Variants in STS observed in about 807,000 individuals in gnomAD.
STS encodes the protein steroid sulfatase.
STS carries 7 observed loss-of-function variants against 26.8 expected under a neutral mutation model. The ratio of observed to expected loss-of-function variants is 0.26; its 90% CI spans 0.15 to 0.49. The LOEUF is 0.49. Among genes scored for constraint, STS ranks in the 20% least tolerant of loss-of-function variants. The probability of loss-of-function intolerance (pLI) is 0.98; values close to 1 mark genes in which losing one functional copy is unlikely to be tolerated. For synonymous variants in STS, 199 were observed against 189.4 expected (o/e 1.05, Z -0.42); for missense variants, 434 against 465.6 (o/e 0.93, Z 0.63).
intron 7 of STS, among the ~76,000 whole-genome samples, chrX:7,300,753 A>G (rs145461590): frequency 9.0e-6 from 1 of 111,464 alleles, no homozygotes; most frequent in African/African-American, 3.3e-5. Context: ...AGGGCACTTT[A>G]ATGAAAGTGA....
chrX:7,320,013 T>TATATATTTATATA (rs1926917701), intron 8 of STS, among the ~76,000 whole-genome samples: 2 of 90,553 alleles, frequency 2.2e-5, no homozygotes. Flanking sequence ...TATATATATA[T>TATATATTTATATA]TTATATATAT....
rs1926049096 is a variant in STS, at chrX:7,303,126, C to A, written c.944-1920C>A. ...GGGACCCGGTGGGAGATAATGGAAT[C>A]ATGGGGGAGATTTTCCCCCATACTG... On this transcript the variant is annotated intron_variant, in intron 7 of 10. Coordinates refer to ENST00000674429, the MANE Select transcript of STS (RefSeq NM_001320752.2). Among the ~76,000 whole-genome samples, 3 of 111,043 alleles carry A rather than the reference C, an allele frequency of 2.7e-5. No homozygotes were observed. The Admixed American group carries it at 2.9e-4, about 11-fold the overall frequency.
At chrX:7,323,179 G>A (rs2054533279) in intron 8 of STS, among the ~76,000 whole-genome samples, 1 of 111,010 alleles carries the variant, frequency 9.0e-6, no homozygotes, top group Non-Finnish European at 1.9e-5. Flanking sequence ...TGTTTCCTAT[G>A]TCCGTTGTAA....
At chrX:7,235,630 A>G in intron 2 of STS, among the ~76,000 whole-genome samples, 1 of 111,687 alleles carries the variant, frequency 9.0e-6, no homozygotes, top group Non-Finnish European at 1.9e-5. Flanking sequence ...AAAATTGGCC[A>G]GACAGACACA....
Position 7,308,924 on chromosome X carries a change from T to G in STS, c.1081+3741T>G, listed in dbSNP as rs769292023. Among the ~76,000 whole-genome samples the G allele has an allele frequency of 2.7e-5, 3 of 111,926 alleles. No individual in the cohort carries two copies. In the Admixed American group the frequency reaches 2.8e-4, roughly 11 times the overall value. On this transcript the variant is annotated intron_variant, in intron 8 of 10. Transcript: ENST00000674429. ...ACGCAGACACAGAGAAATCATAGGA[T>G]TTAACACCCTGTTTAAAATAGCATC...
intron 6 of STS, among the ~76,000 whole-genome samples, chrX:7,263,521 C>A (rs1357038975): frequency 8.9e-6 from 1 of 112,436 alleles, no homozygotes; most frequent in Non-Finnish European, 1.9e-5. Flanking sequence ...TAGGCTTTAC[C>A]ATATAGCCTG....
intron 2 of STS, among the ~76,000 whole-genome samples, chrX:7,246,010 T>C (rs1469276551): frequency 8.9e-6 from 1 of 112,571 alleles, no homozygotes; most frequent in Non-Finnish European, 1.9e-5. Flanking sequence ...TGCTCATATT[T>C]GCAATTTCTC....
At chrX:7,310,399 A>G (rs1176675168) in intron 8 of STS, among the ~76,000 whole-genome samples, 3 of 111,946 alleles carry the variant, frequency 2.7e-5, no homozygotes, top group Admixed American at 1.9e-4. Flanking sequence ...TTATGTTCCT[A>G]CACCCTGGAC....
chrX:7,199,303 A>T (rs1445933235), intron 2 of STS, among the ~76,000 whole-genome samples: 1 of 111,962 alleles, frequency 8.9e-6, no homozygotes, highest in East Asian at 2.8e-4. Context: ...GATTGATTTT[A>T]TAATTTAGGG....
chrX:7,353,154 A>T lies in STS; in HGVS notation c.*2893A>T. The T allele has an allele frequency of 9.0e-6, 1 of 111,682 alleles. No individual in the cohort carries two copies. The highest frequency in any genetic ancestry group is 1.9e-5 in the Non-Finnish European group (1 of 53,218). The allele number at this position is 111,682 out of a possible 1,213,427, so 9.2% of individuals were successfully genotyped here. Reference sequence around the variant, plus strand: ...TACATTTCCAACTTGATGTCAAGCAATGGGGAATACAAGTTCCAGTTCTGC... The same window carrying T: ...TACATTTCCAACTTGATGTCAAGCATTGGGGAATACAAGTTCCAGTTCTGC... On this transcript the variant is annotated 3_prime_UTR_variant, in exon 11 of 11. Transcript: ENST00000674429.
chrX:7,324,970 G>C (rs186765553), intron 8 of STS, among the ~76,000 whole-genome samples: 251 of 111,045 alleles, frequency 2.3e-3, no homozygotes, highest in African/African-American at 7.3e-3. Flanking sequence ...CGGACACTTG[G>C]GGGCACCATT....
At chrX:7,223,111 G>A (rs753476096) in intron 2 of STS, among the ~76,000 whole-genome samples, 1 of 111,730 alleles carries the variant, frequency 9.0e-6, no homozygotes, top group Non-Finnish European at 1.9e-5. Context: ...GTATTCCACG[G>A]AATATATATA....
rs760873545 is a variant in STS, at chrX:7,279,199, G to A, written c.943+3112G>A. ...TGCACCTGTAATCCCACCTACTGGG[G>A]AGGCTGAGGCAGGAGAATCATTTGA... On this transcript the variant is annotated intron_variant, in intron 7 of 10. Transcript: ENST00000674429. Among the ~76,000 whole-genome samples, 10 of 106,986 alleles carry A rather than the reference G, an allele frequency of 9.3e-5. No homozygotes were observed. In the East Asian group the frequency reaches 2.6e-3, roughly 28 times the overall value. 92.9% of individuals were successfully genotyped at this position (106,986 alleles called of 115,157 possible). A position where few individuals can be genotyped will look rare whatever the true frequency, so the allele number is the denominator to read the frequency against.
chrX:7,285,164 T>C (rs1925071154), intron 7 of STS, among the ~76,000 whole-genome samples: 1 of 111,114 alleles, frequency 9.0e-6, no homozygotes, highest in Non-Finnish European at 1.9e-5. Flanking sequence ...ACAAGAAGTA[T>C]AGAAGATTAA....
intron 2 of STS, among the ~76,000 whole-genome samples, chrX:7,212,796 T>A (rs1354090131): frequency 1.8e-5 from 2 of 112,428 alleles, no homozygotes; most frequent in African/African-American, 6.5e-5. Context: ...TAAATTGTAA[T>A]AATGAAATTA....
chrX:7,317,987 T>G (rs1475969634), intron 8 of STS, among the ~76,000 whole-genome samples: 1 of 111,799 alleles, frequency 8.9e-6, no homozygotes, highest in Non-Finnish European at 1.9e-5. Context: ...AGCCTAGCAT[T>G]TGGCAGGACA....
At chrX:7,293,600 A>G (rs1349597413) in intron 7 of STS, among the ~76,000 whole-genome samples, 1 of 111,115 alleles carries the variant, frequency 9.0e-6, no homozygotes, top group African/African-American at 3.3e-5. Context: ...TTCTTCCATC[A>G]TCCTATTCTT....
chrX:7,219,174 G>A (rs1471947787), intron 2 of STS, among the ~76,000 whole-genome samples: 1 of 112,001 alleles, frequency 8.9e-6, no homozygotes, highest in Non-Finnish European at 1.9e-5. Flanking sequence ...GTATAAGAGA[G>A]GGGGGAAAAT....
intron 2 of STS, among the ~76,000 whole-genome samples, chrX:7,233,642 T>G (rs778954894): frequency 4.5e-5 from 5 of 111,517 alleles, no homozygotes; most frequent in Middle Eastern, 4.2e-3. Flanking sequence ...ATGCACCAAT[T>G]TATGATCCCT....
Sources: allele counts gnomAD v4.1 joint callset (sites outside exome capture counted in the v4.1 genomes callset), GRCh38; gene constraint gnomAD v4.1.1; transcripts MANE v1.5; gene names NCBI Gene and HGNC (gene_info 2026-07-23, HGNC 2026-07-21).